KYNU: variants seen among roughly 807,000 people sequenced by gnomAD.
The protein encoded by KYNU is kynureninase.
A neutral mutation model predicts 59.2 loss-of-function variants in KYNU; 54 were observed. That is an observed-to-expected ratio of 0.91 (90% confidence interval 0.73 to 1.14). The LOEUF is 1.14. Among genes scored for constraint, KYNU ranks in the 50% most tolerant of loss-of-function variants. KYNU has a pLI of 0.00. For missense variants in KYNU, 567 were observed against 554.4 expected, an observed-to-expected ratio of 1.02 and a Z score of -0.23; for synonymous variants, 177 against 192.0, an observed-to-expected ratio of 0.92 and a Z score of 0.65.
chr2:142,987,414 G>T (rs1366067383), intron 10 of KYNU, among the ~76,000 whole-genome samples: 1 of 151,960 alleles, frequency 6.6e-6, no homozygotes, highest in East Asian at 1.9e-4. Context: ...TTGTACTTGA[G>T]ATTTCTCTCA....
At chr2:142,960,888 G>T (rs1229732040) in intron 8 of KYNU, 118 bp downstream of exon 8, 153 of 734,204 alleles carry the variant, frequency 2.1e-4, no homozygotes, top group Non-Finnish European at 2.5e-4. Flanking sequence ...TATTTCAAAA[G>T]TTAAAAAAAA....
In KYNU at chr2:142,954,830, G is replaced by T. The variant is rs749561053; in HGVS notation, c.394G>T (p.Ala132Ser). 1.2e-6 allele frequency: 2 copies of T among 1,600,996 alleles called. No individual in the cohort carries two copies. The highest frequency in any genetic ancestry group is 4.5e-5 in the East Asian group (2 of 44,634). Residue 132 changes from alanine to serine, a missense_variant, in exon 5 of 14, where the codon GCC becomes TCC. Physicochemically the swap from Ala to Ser is moderately conservative, Grantham distance 99. Coordinates refer to ENST00000264170, the MANE Select transcript of KYNU (RefSeq NM_003937.3). ...DIVGANEKEIALMNALTVNLH... is the reference protein window; with the variant it reads ...DIVGANEKEISLMNALTVNLH... ...TACAGGAGCCAATGAGAAAGAAATAGCCCTAATGAATGCTTTGACTGTAAA... is the reference window on the plus strand; with the variant it reads ...TACAGGAGCCAATGAGAAAGAAATATCCCTAATGAATGCTTTGACTGTAAA...
chr2:142,946,970 G>T, intron 4 of KYNU: 3 of 1,379,544 alleles, frequency 2.2e-6, no homozygotes, highest in South Asian at 2.8e-5. Flanking sequence ...TGTACTTTTT[G>T]TATTTCAAAT....
chr2:142,959,343 T>G (rs1053228968), intron 7 of KYNU, among the ~76,000 whole-genome samples: 1 of 152,170 alleles, frequency 6.6e-6, no homozygotes, highest in Non-Finnish European at 1.5e-5. Flanking sequence ...TCCCAGCACT[T>G]TGAGAGTTTG....
chr2:142,893,768 G>T (rs1382001518), intron 2 of KYNU, among the ~76,000 whole-genome samples: 2 of 151,996 alleles, frequency 1.3e-5, no homozygotes, highest in African/African-American at 4.8e-5. Flanking sequence ...TCAGCTCATG[G>T]AGCCCAATAT....
chr2:142,885,331 T>G lies in KYNU; in HGVS notation c.-19-18T>G. ...GAAAATTATGGTGGCTAGATTATGTTTTATTATTCTCTTTCAGTTTTAGAG... is the reference window on the plus strand; with the variant it reads ...GAAAATTATGGTGGCTAGATTATGTGTTATTATTCTCTTTCAGTTTTAGAG... On this transcript the variant is annotated intron_variant, in intron 1 of 13. Coordinates refer to ENST00000264170, the MANE Select transcript of KYNU (RefSeq NM_003937.3). The G allele has an allele frequency of 1.2e-6, 2 of 1,604,566 alleles. No homozygotes were observed. The highest frequency in any genetic ancestry group is 1.7e-6 in the Non-Finnish European group (2 of 1,172,064).
intron 4 of KYNU, chr2:142,947,108 G>A (rs1260807054): frequency 6.4e-7 from 1 of 1,550,938 alleles, no homozygotes; most frequent in East Asian, 2.4e-5. Flanking sequence ...GCTTTTTTCA[G>A]CCACCCTTAC....
intron 12 of KYNU, among the ~76,000 whole-genome samples, chr2:143,033,655 A>G (rs750878752): frequency 8.5e-5 from 13 of 152,188 alleles, no homozygotes; most frequent in Non-Finnish European, 1.6e-4. Flanking sequence ...CTCTCTTTAT[A>G]CCAAATAAGC....
chr2:143,020,507 CAACATTTTAAAAGTTGTTGAG>C (rs1686373395), intron 10 of KYNU, among the ~76,000 whole-genome samples: 1 of 152,100 alleles, frequency 6.6e-6, no homozygotes, highest in African/African-American at 2.4e-5. Flanking sequence ...GATATGACTG[CAACATTTTAAAAGTTGTTGAG>C]AATTGTTTGT....
chr2:142,910,443 T>C (rs564768380), intron 2 of KYNU, among the ~76,000 whole-genome samples: 10 of 152,272 alleles, frequency 6.6e-5, no homozygotes, highest in African/African-American at 2.4e-4. Flanking sequence ...GCTTGTCGAA[T>C]TGCTTAAATT....
At chr2:143,030,170 C>T (rs1686699607) in intron 11 of KYNU, among the ~76,000 whole-genome samples, 1 of 152,174 alleles carries the variant, frequency 6.6e-6, no homozygotes, top group South Asian at 2.1e-4. Context: ...AAGCTCAAAA[C>T]AATAAGCCAA....
intron 10 of KYNU, among the ~76,000 whole-genome samples, chr2:142,988,248 C>T (rs1011545406): frequency 6.6e-6 from 1 of 151,876 alleles, no homozygotes; most frequent in Non-Finnish European, 1.5e-5. Flanking sequence ...AGTACTGACC[C>T]CTAAGTACTT....
At chr2:142,996,768 G>C (rs1159183617) in intron 10 of KYNU, among the ~76,000 whole-genome samples, 1 of 152,164 alleles carries the variant, frequency 6.6e-6, no homozygotes, top group Non-Finnish European at 1.5e-5. Flanking sequence ...GCCACTGACT[G>C]TTCATGAGGA....
At chr2:142,971,706 C>T (rs1338748680) in intron 8 of KYNU, among the ~76,000 whole-genome samples, 1 of 152,188 alleles carries the variant, frequency 6.6e-6, no homozygotes, top group Non-Finnish European at 1.5e-5. Context: ...ACCTGCTAGA[C>T]AAGTGAATGT....
intron 2 of KYNU, among the ~76,000 whole-genome samples, chr2:142,907,049 A>G (rs1000298206): frequency 6.6e-6 from 1 of 152,190 alleles, no homozygotes; most frequent in Non-Finnish European, 1.5e-5. Context: ...ATTCTAAGGT[A>G]GAGGACAGAA....
chr2:142,985,197 A>G lies in KYNU; in HGVS notation c.828+15A>G. Reference sequence around the variant, plus strand: ...GTTCCTACAAGGTACAAACGAGTTAATACATTTACATCCCTTTATTTCACA... The same window carrying G: ...GTTCCTACAAGGTACAAACGAGTTAGTACATTTACATCCCTTTATTTCACA... On this transcript the variant is annotated intron_variant, in intron 9 of 13. Coordinates refer to ENST00000264170, the MANE Select transcript of KYNU (RefSeq NM_003937.3). 2 of 1,400,890 alleles carry G rather than the reference A, an allele frequency of 1.4e-6. No homozygotes were observed. Among genetic ancestry groups the G allele is most frequent in the Non-Finnish European group, 2.0e-6 (2 of 986,012 alleles). The allele number at this position is 1,400,890 out of a possible 1,614,324, so 86.8% of individuals were successfully genotyped here. A position where few individuals can be genotyped will look rare whatever the true frequency, so the allele number is the denominator to read the frequency against.
chr2:142,911,990 C>G (rs1682493455), intron 2 of KYNU, among the ~76,000 whole-genome samples: 1 of 147,462 alleles, frequency 6.8e-6, no homozygotes, highest in South Asian at 2.1e-4. Flanking sequence ...GGATATTGAC[C>G]CGTAATTTTG....
intron 6 of KYNU, 139 bp downstream of exon 6, chr2:142,956,413 A>G (rs1304461100): frequency 3.3e-6 from 2 of 606,134 alleles, no homozygotes; most frequent in Non-Finnish European, 5.8e-6. Context: ...GCTTTTGATT[A>G]AATTTTTTAA....
chr2:143,042,840 G>A lies in KYNU; in HGVS notation c.*668G>A, dbSNP rs1044911638. The stretch of plus-strand genomic sequence containing the variant: ...AAAGAGGACCCATCTTTCAATTTTC[G>A]ATCAATAGTTTCTTACAGTCACCAT... On this transcript the variant is annotated 3_prime_UTR_variant, in exon 14 of 14. Coordinates refer to ENST00000264170, the MANE Select transcript of KYNU (RefSeq NM_003937.3). The A allele has an allele frequency of 6.6e-5, 10 of 151,048 alleles. No individual in the cohort carries two copies. Among genetic ancestry groups the A allele is most frequent in the Admixed American group, 5.9e-4 (9 of 15,132 alleles). 9.4% of individuals were successfully genotyped at this position (151,048 alleles called of 1,614,324 possible).
Sources: allele counts gnomAD v4.1 joint callset (sites outside exome capture counted in the v4.1 genomes callset), GRCh38; gene constraint gnomAD v4.1.1; transcripts MANE v1.5; gene names NCBI Gene and HGNC (gene_info 2026-07-23, HGNC 2026-07-21).